Variants in NARF observed in about 807,000 individuals in gnomAD.
The protein encoded by NARF is nuclear prelamin A recognition factor, also known as iron-only hydrogenase-like protein 2.
A neutral mutation model predicts 48.0 loss-of-function variants in NARF; 41 were observed. That is an observed-to-expected ratio of 0.85 (90% confidence interval 0.66 to 1.11). NARF has a LOEUF of 1.11. Ranked by LOEUF, NARF falls within the 50% of genes least tolerant of loss-of-function variation. The pLI is 0.00. For synonymous variants in NARF, 215 were observed against 225.5 expected (o/e 0.95, Z 0.42); for missense variants, 613 against 590.2 (o/e 1.04, Z -0.40).
intron 8 of NARF, 28 bp downstream of exon 8, chr17:82,483,807 C>G: frequency 6.2e-7 from 1 of 1,609,640 alleles, no homozygotes; most frequent in Non-Finnish European, 8.5e-7. Context: ...GGAGAGTCCT[C>G]TGGGGGGCAG....
rs1213825534 is a variant in NARF, at chr17:82,471,552, G to A, written c.386-1012G>A. Among the ~76,000 whole-genome samples, 4 of 150,166 alleles carry A rather than the reference G, an allele frequency of 2.7e-5. No homozygotes were observed. In the Admixed American group the frequency reaches 2.7e-4, roughly 10 times the overall value. On this transcript the variant is annotated intron_variant, in intron 4 of 10. Transcript: ENST00000309794. ...TCACGCCTGTAATCCCAGCACTTTGGGAGGCCGAGGCGGGCGGATCACGAG... is the reference window on the plus strand; with the variant it reads ...TCACGCCTGTAATCCCAGCACTTTGAGAGGCCGAGGCGGGCGGATCACGAG...
chr17:82,464,870 CTCCT>C (rs1286157902), intron 3 of NARF, among the ~76,000 whole-genome samples: 2 of 152,232 alleles, frequency 1.3e-5, no homozygotes, highest in Non-Finnish European at 2.9e-5. Flanking sequence ...ATTCCCAAAG[CTCCT>C]TCCTTCAGCT....
At chr17:82,478,457 G>A in intron 5 of NARF, 1 of 393,914 alleles carries the variant, frequency 2.5e-6, no homozygotes, top group South Asian at 1.9e-5. Context: ...CTGGCCAGGC[G>A]ATTTTGCACG....
In NARF at chr17:82,471,589, G is replaced by A. The variant is rs866949364; in HGVS notation, c.386-975G>A. On this transcript the variant is annotated intron_variant, in intron 4 of 10. Transcript: ENST00000309794. ...GGGCGGATCACGAGGTCAGGAGATC[G>A]AGACCATCCTGGCTAACACGGTGAA... 5.1e-3 allele frequency among the ~76,000 whole-genome samples: 759 copies of A among 148,720 alleles called. 5 individuals are homozygous for A. The highest frequency in any genetic ancestry group is 0.012 in the African/African-American group (473 of 40,264).
At chr17:82,459,223 G>C in intron 1 of NARF, 1 of 1,010,860 alleles carries the variant, frequency 9.9e-7, no homozygotes, top group Non-Finnish European at 1.2e-6. Flanking sequence ...GCCGGTGCAG[G>C]GGCGGAAGCG....
intron 9 of NARF, 58 bp downstream of exon 9, chr17:82,485,008 G>C: frequency 2.0e-6 from 3 of 1,528,748 alleles, no homozygotes; most frequent in African/African-American, 2.8e-5. Flanking sequence ...TGCATGGTGT[G>C]CCTGTATGGA....
chr17:82,484,044 G>T lies in NARF; in HGVS notation c.833+265G>T, dbSNP rs909365282. On this transcript the variant is annotated intron_variant, in intron 8 of 10. Coordinates refer to ENST00000309794, the MANE Select transcript of NARF (RefSeq NM_012336.4). ...CTAAACCCTTGAGGAAGGACAAAAT[G>T]CACAAACAGCTTTGTCCTCGCTGGC... 16 of 448,900 alleles carry T rather than the reference G, an allele frequency of 3.6e-5. 1 individual carries two copies. The highest frequency in any genetic ancestry group is 3.3e-4 in the South Asian group (12 of 36,268). 27.8% of individuals were successfully genotyped at this position (448,900 alleles called of 1,614,324 possible).
rs370872366 is a variant in NARF, at chr17:82,488,075, A to C, written c.1289A>C (p.Asn430Thr). The C allele has an allele frequency of 6.2e-7, 1 of 1,613,470 alleles. No individual in the cohort carries two copies. The highest frequency in any genetic ancestry group is 1.3e-5 in the African/African-American group (1 of 74,756). The change falls in exon 11 of 11, where the codon AAC (asparagine) becomes ACC (threonine). Residue 430 changes from asparagine (N) to threonine (T), a missense_variant. By Grantham distance (65) the Asn-to-Thr change is moderately conservative. Transcript: ENST00000309794. ...TACCAGGAGTGGCTGGAGGGGATCA[A>C]CTCCCCCAAGGCCCGAGAGGTGCTG... Reference protein sequence around the residue: ...ELYQEWLEGINSPKAREVLHT... With the variant: ...ELYQEWLEGITSPKAREVLHT...
At chr17:82,464,596 A>G (rs1261603124) in intron 3 of NARF, among the ~76,000 whole-genome samples, 166 bp downstream of exon 3, 1 of 152,206 alleles carries the variant, frequency 6.6e-6, no homozygotes, top group African/African-American at 2.4e-5. Flanking sequence ...CTCTCCATCA[A>G]GAGCAAAATC....
At chr17:82,478,379 G>A (rs918470952) in intron 5 of NARF, among the ~76,000 whole-genome samples, 4 of 152,256 alleles carry the variant, frequency 2.6e-5, no homozygotes, top group Non-Finnish European at 5.9e-5. Context: ...GGTGAGAGAA[G>A]TTGGGCAAGC....
intron 2 of NARF, chr17:82,460,309 A>C (rs2043404949): frequency 3.0e-6 from 1 of 337,668 alleles, no homozygotes; most frequent in Admixed American, 4.5e-5. Flanking sequence ...TGCTAAAAAT[A>C]CAAAAATTAT....
intron 3 of NARF, among the ~76,000 whole-genome samples, chr17:82,464,761 C>G (rs532094445): frequency 6.6e-6 from 1 of 152,216 alleles, no homozygotes; most frequent in Non-Finnish European, 1.5e-5. Flanking sequence ...GCCGGAGCTC[C>G]TGCTGTTCTG....
intron 8 of NARF, 116 bp downstream of exon 8, chr17:82,483,895 C>T (rs970081581): frequency 5.8e-5 from 52 of 895,444 alleles, no homozygotes; most frequent in Middle Eastern, 3.4e-4. Flanking sequence ...TGAAGCACTG[C>T]GATGCAGTCC....
intron 10 of NARF, among the ~76,000 whole-genome samples, chr17:82,486,840 T>A (rs2044106197): frequency 6.6e-6 from 1 of 152,180 alleles, no homozygotes; most frequent in Non-Finnish European, 1.5e-5. Context: ...TTAAATGAAC[T>A]CTTACACTAC....
At chr17:82,483,833 C>A in intron 8 of NARF, 54 bp downstream of exon 8, 1 of 1,556,334 alleles carries the variant, frequency 6.4e-7, no homozygotes. Context: ...CTCGTCAGCC[C>A]TGCCAGCCAC....
chr17:82,464,927 T>C (rs758084387), intron 3 of NARF, among the ~76,000 whole-genome samples: 11 of 152,228 alleles, frequency 7.2e-5, no homozygotes, highest in Non-Finnish European at 1.2e-4. Flanking sequence ...GTGCCACTTG[T>C]CTTTCCGTGA....
chr17:82,465,933 C>T (rs1418951232), intron 3 of NARF, among the ~76,000 whole-genome samples: 1 of 152,180 alleles, frequency 6.6e-6, no homozygotes, highest in Non-Finnish European at 1.5e-5. Flanking sequence ...CTGGGTGTAC[C>T]CTGACTTATA....
intron 10 of NARF, 100 bp downstream of exon 10, chr17:82,485,754 G>T: frequency 7.3e-7 from 1 of 1,375,972 alleles, no homozygotes; most frequent in Non-Finnish European, 1.0e-6. Flanking sequence ...GCCACCCAGA[G>T]CCTCTCTCAG....
intron 3 of NARF, among the ~76,000 whole-genome samples, chr17:82,467,988 T>C (rs780208196): frequency 4.6e-5 from 7 of 152,196 alleles, no homozygotes; most frequent in Non-Finnish European, 5.9e-5. Context: ...ATTGACAAAG[T>C]CTTTTAGATC....
Sources: allele counts gnomAD v4.1 joint callset (sites outside exome capture counted in the v4.1 genomes callset), GRCh38; gene constraint gnomAD v4.1.1; transcripts MANE v1.5; gene names NCBI Gene and HGNC (gene_info 2026-07-23, HGNC 2026-07-21).